The following MFSD6 variants were observed in gnomAD, a reference collection of about 807,000 sequenced individuals.
The protein encoded by MFSD6 is major facilitator superfamily domain-containing protein 6.
A neutral mutation model predicts 56.3 loss-of-function variants in MFSD6; 26 were observed. The observed-to-expected ratio is 0.46, with a 90% CI of 0.34 to 0.64. The LOEUF is 0.64. Among genes scored for constraint, MFSD6 ranks in the 30% least tolerant of loss-of-function variants. The probability of loss-of-function intolerance (pLI) is 0.01; values close to 1 mark genes in which losing one functional copy is unlikely to be tolerated. For synonymous variants in MFSD6, 331 were observed against 366.9 expected, an observed-to-expected ratio of 0.90 and a Z score of 1.12; for missense variants, 750 against 986.2, an observed-to-expected ratio of 0.76 and a Z score of 3.21.
intron 3 of MFSD6, among the ~76,000 whole-genome samples, chr2:190,448,719 C>T (rs1045234657): frequency 1.3e-5 from 2 of 152,074 alleles, no homozygotes; most frequent in South Asian, 4.1e-4. Flanking sequence ...CTGGACAGGA[C>T]AAAAAGAGAA....
In MFSD6 at chr2:190,438,758, A is replaced by G. The variant is rs1056474054; in HGVS notation, c.1532+1197A>G. 6.6e-6 allele frequency among the ~76,000 whole-genome samples: 1 copy of G among 152,254 alleles called. No homozygotes were observed. Among genetic ancestry groups the G allele is most frequent in the East Asian group, 1.9e-4 (1 of 5,208 alleles). Reference sequence around the variant, plus strand: ...TGTATTTAAATCTGCTATTTCTATAAGAAATTAAAGAGGAGAAATAGACAA... The same window carrying G: ...TGTATTTAAATCTGCTATTTCTATAGGAAATTAAAGAGGAGAAATAGACAA... On this transcript the variant is annotated intron_variant, in intron 3 of 7. Coordinates refer to ENST00000392328, the MANE Select transcript of MFSD6 (RefSeq NM_017694.4). The surrounding 1 kb of genome is among the most constrained non-coding windows in gnomAD (Gnocchi z 5.2).
intron 3 of MFSD6, among the ~76,000 whole-genome samples, chr2:190,448,671 G>A (rs1686669886): frequency 6.6e-6 from 1 of 152,136 alleles, no homozygotes; most frequent in South Asian, 2.1e-4. Context: ...AATTTGTAGA[G>A]GAATAATACA....
chr2:190,489,643 T>A lies in MFSD6; in HGVS notation c.1793-125T>A. ...CCATTATGTGGAGCTAATACCCAAC[T>A]ACTTTTCTCTGGTTTGTCTCAAGCT... On this transcript the variant is annotated intron_variant, in intron 5 of 7. Coordinates refer to ENST00000392328, the MANE Select transcript of MFSD6 (RefSeq NM_017694.4). The surrounding 1 kb of genome is among the most constrained non-coding windows in gnomAD (Gnocchi z 6.6). 1 of 841,850 alleles carries A rather than the reference T, an allele frequency of 1.2e-6. No individual in the cohort carries two copies. The highest frequency in any genetic ancestry group is 1.8e-6 in the Non-Finnish European group (1 of 544,812). 52.1% of individuals were successfully genotyped at this position (841,850 alleles called of 1,614,324 possible).
At position 190,496,157 on chromosome 2, in the gene MFSD6, C is replaced by T. The variant is rs1689662523; in HGVS notation, c.1892-1282C>T. Among the ~76,000 whole-genome samples, 1 of 150,260 alleles carries T rather than the reference C, an allele frequency of 6.7e-6. No homozygotes were observed. The highest frequency in any genetic ancestry group is 2.4e-5 in the African/African-American group (1 of 41,058). ...CAAATTAGCAAGAAAAAAAAAAACA[C>T]CAAAGAGTGGACTAAGGACATGCAT... On this transcript the variant is annotated intron_variant, in intron 6 of 7. Transcript: ENST00000392328. This position sits in a 1 kb window ranked among gnomAD's most constrained non-coding sequence, Gnocchi z 4.7.
In MFSD6 at chr2:190,492,822, A is replaced by C. The variant is rs547089378; in HGVS notation, c.1891+2956A>C. ...AGCACTCCAAGAACTACCAAGCCAG[A>C]ACTACAAGAATTTGCCACTCACCAC... is the stretch of plus-strand genomic sequence containing the variant. On this transcript the variant is annotated intron_variant, in intron 6 of 7. Transcript: ENST00000392328. This position sits in a 1 kb window ranked among gnomAD's most constrained non-coding sequence, Gnocchi z 5.2. 6.6e-6 allele frequency among the ~76,000 whole-genome samples: 1 copy of C among 150,904 alleles called. No individual in the cohort carries two copies. The highest frequency in any genetic ancestry group is 1.9e-4 in the East Asian group (1 of 5,168).
In MFSD6 at chr2:190,502,269, G is replaced by A. The variant is rs1033755625; in HGVS notation, c.*2051G>A. The stretch of plus-strand genomic sequence containing the variant: ...GTGACTTTTTCTTCCTGTCCCCAAA[G>A]TGCCATATGCTACCTTAAAAAATAT... On this transcript the variant is annotated 3_prime_UTR_variant, in exon 8 of 8. Coordinates refer to ENST00000392328, the MANE Select transcript of MFSD6 (RefSeq NM_017694.4). This position sits in a 1 kb window ranked among gnomAD's most constrained non-coding sequence, Gnocchi z 4.4. The A allele has an allele frequency of 2.6e-5, 4 of 152,094 alleles. No homozygotes were observed. Among genetic ancestry groups the A allele is most frequent in the Non-Finnish European group, 5.9e-5 (4 of 68,026 alleles). The allele number at this position is 152,094 out of a possible 1,614,324, so 9.4% of individuals were successfully genotyped here.
rs769133477 is a variant in MFSD6, at chr2:190,463,654, C to T, written c.1533-6104C>T. On this transcript the variant is annotated intron_variant, in intron 3 of 7. Coordinates refer to ENST00000392328, the MANE Select transcript of MFSD6 (RefSeq NM_017694.4). The surrounding 1 kb of genome is among the most constrained non-coding windows in gnomAD (Gnocchi z 4.4). Reference sequence around the variant, plus strand: ...TGGGCAACATAGTGAGACTTTGTGTCTACTAAAAATCAAAAGTTAGCTTGG... The same window carrying T: ...TGGGCAACATAGTGAGACTTTGTGTTTACTAAAAATCAAAAGTTAGCTTGG... 1.7e-4 allele frequency among the ~76,000 whole-genome samples: 26 copies of T among 151,908 alleles called. No homozygotes were observed. The highest frequency in any genetic ancestry group is 5.9e-4 in the Admixed American group (9 of 15,240).
chr2:190,411,011 C>T (rs111575051), intron 1 of MFSD6: 33,572 of 438,676 alleles, frequency 0.077, 1,901 homozygotes, highest in African/African-American at 0.21. Flanking sequence ...GCCGAGATCG[C>T]GCCACTGCAC....
rs1686312883 is a variant in MFSD6 at position 190,439,982 on chromosome 2, C to T, written c.1532+2421C>T. Among the ~76,000 whole-genome samples the T allele has an allele frequency of 6.6e-6, 1 of 152,166 alleles. No homozygotes were observed. The highest frequency in any genetic ancestry group is 2.1e-4 in the South Asian group (1 of 4,828). Reference sequence around the variant, plus strand: ...AACTTTCCACTGGAAGAATACCATTCATTAAGTAGTTGGTGAAGAGAAATG... The same window carrying T: ...AACTTTCCACTGGAAGAATACCATTTATTAAGTAGTTGGTGAAGAGAAATG... On this transcript the variant is annotated intron_variant, in intron 3 of 7. Coordinates refer to ENST00000392328, the MANE Select transcript of MFSD6 (RefSeq NM_017694.4). This position sits in a 1 kb window ranked among gnomAD's most constrained non-coding sequence, Gnocchi z 5.8.
At chr2:190,482,877 T>TG (rs1688764776) in intron 4 of MFSD6, among the ~76,000 whole-genome samples, 2 of 28,230 alleles carry the variant, frequency 7.1e-5, no homozygotes, top group Non-Finnish European at 1.9e-4. Flanking sequence ...TCTTTTTTTT[T>TG]TTTTTTTTTT....
intron 2 of MFSD6, among the ~76,000 whole-genome samples, chr2:190,432,105 G>T (rs1312940762): frequency 6.6e-6 from 1 of 152,206 alleles, no homozygotes; most frequent in Non-Finnish European, 1.5e-5. Context: ...TTTAGTGGAA[G>T]GTCTTGATAA....
At chr2:190,479,887 A>T (rs931605388) in intron 4 of MFSD6, among the ~76,000 whole-genome samples, 2 of 152,026 alleles carry the variant, frequency 1.3e-5, no homozygotes, top group African/African-American at 4.8e-5. Context: ...AGTTAGGGGG[A>T]CTTGAGCTGA....
chr2:190,472,732 G>A (rs2125158624), intron 4 of MFSD6, among the ~76,000 whole-genome samples: 1 of 152,188 alleles, frequency 6.6e-6, no homozygotes, highest in South Asian at 2.1e-4. Flanking sequence ...AGGAAATATA[G>A]AGAAGCCACA....
rs1322662035 is a variant in MFSD6, at chr2:190,451,698, G to A, written c.1532+14137G>A. ...GCAGAGTCCTGAATGGAAGCCCCCA[G>A]TGAAGATCTTGGGGACAGAGAAAAC... On this transcript the variant is annotated intron_variant, in intron 3 of 7. Coordinates refer to ENST00000392328, the MANE Select transcript of MFSD6 (RefSeq NM_017694.4). The surrounding 1 kb of genome is among the most constrained non-coding windows in gnomAD (Gnocchi z 5.0). Among the ~76,000 whole-genome samples, 11 of 152,230 alleles carry A rather than the reference G, an allele frequency of 7.2e-5. No individual in the cohort carries two copies. Among genetic ancestry groups the A allele is most frequent in the Admixed American group, 5.9e-4 (9 of 15,284 alleles).
In MFSD6 at chr2:190,499,192, G is replaced by A. The variant is rs928949002; in HGVS notation, c.2173-823G>A. ...TAAATAAATAAATAAAATGTTTCTG[G>A]TATGTTAGGATTAATAAAAACTGGC... On this transcript the variant is annotated intron_variant, in intron 7 of 7. Coordinates refer to ENST00000392328, the MANE Select transcript of MFSD6 (RefSeq NM_017694.4). The surrounding 1 kb of genome is among the most constrained non-coding windows in gnomAD (Gnocchi z 6.0). Among the ~76,000 whole-genome samples the A allele has an allele frequency of 3.3e-5, 5 of 152,104 alleles. No homozygotes were observed. The highest frequency in any genetic ancestry group is 1.3e-4 in the Admixed American group (2 of 15,264).
At position 190,451,240 on chromosome 2, in the gene MFSD6, G is replaced by A. The variant is rs1686765047; in HGVS notation, c.1532+13679G>A. Among the ~76,000 whole-genome samples, 1 of 152,140 alleles carries A rather than the reference G, an allele frequency of 6.6e-6. No homozygotes were observed. The highest frequency in any genetic ancestry group is 1.5e-5 in the Non-Finnish European group (1 of 68,030). On this transcript the variant is annotated intron_variant, in intron 3 of 7. Transcript: ENST00000392328. This position sits in a 1 kb window ranked among gnomAD's most constrained non-coding sequence, Gnocchi z 5.0. ...AACATTGGATAAGTCAGTAATTTTA[G>A]CTTTGTTAAGCCTCAGGTTCCTCAT...
At chr2:190,452,496 A>C (rs921928914) in intron 3 of MFSD6, among the ~76,000 whole-genome samples, 4 of 152,176 alleles carry the variant, frequency 2.6e-5, no homozygotes, top group Non-Finnish European at 4.4e-5. Flanking sequence ...TTGTAGAGTG[A>C]TTAAGTTTCC....
At chr2:190,475,555 TAA>T (rs920084677) in intron 4 of MFSD6, among the ~76,000 whole-genome samples, 2 of 152,026 alleles carry the variant, frequency 1.3e-5, no homozygotes, top group African/African-American at 4.8e-5. Context: ...CTCAATGAAA[TAA>T]AAGAGGATAC....
In MFSD6 at chr2:190,417,966, GT is replaced by G. The variant is rs1175045229; in HGVS notation, c.-54+2554del. 4.6e-5 allele frequency among the ~76,000 whole-genome samples: 1 copy of G among 21,798 alleles called. No individual in the cohort carries two copies. The highest frequency in any genetic ancestry group is 1.0e-3 in the South Asian group (1 of 1,000). 14.3% of individuals were successfully genotyped at this position (21,798 alleles called of 152,430 possible). On this transcript the variant is annotated intron_variant, in intron 2 of 7. Coordinates refer to ENST00000392328, the MANE Select transcript of MFSD6 (RefSeq NM_017694.4). This position sits in a 1 kb window ranked among gnomAD's most constrained non-coding sequence, Gnocchi z 5.7. The stretch of plus-strand genomic sequence containing the variant: ...TGACTTTTCATTTAACCCTTTAGTG[GT>G]GTGTGTGTGTGTGTGTGTGTGTGTG...
Sources: allele counts gnomAD v4.1 joint callset (sites outside exome capture counted in the v4.1 genomes callset), GRCh38; gene constraint gnomAD v4.1.1; non-coding constraint Gnocchi (gnomAD v3.1); transcripts MANE v1.5; gene names NCBI Gene and HGNC (gene_info 2026-07-23, HGNC 2026-07-21).